The following AKAP6 variants were observed in gnomAD, a reference collection of about 807,000 sequenced individuals.
AKAP6 encodes A-kinase anchoring protein 6.
Under a neutral mutation model 188.5 loss-of-function variants are expected in AKAP6, and 58 were observed. That is an observed-to-expected ratio of 0.31 (90% CI 0.25 to 0.38). The LOEUF is 0.38. Among genes scored for constraint, AKAP6 ranks in the 10% least tolerant of loss-of-function variants. The probability of loss-of-function intolerance (pLI) is 1.00; values close to 1 mark genes in which losing one functional copy is unlikely to be tolerated. For missense variants in AKAP6, 2,710 were observed against 2,740.0 expected (o/e 0.99, Z 0.24); for synonymous variants, 989 against 998.6 (o/e 0.99, Z 0.18).
intron 1 of AKAP6, among the ~76,000 whole-genome samples, chr14:32,365,871 T>C (rs549482904): frequency 1.3e-5 from 2 of 152,302 alleles, no homozygotes; most frequent in Admixed American, 1.3e-4. Context: ...CATTTTTACC[T>C]ACTATTTCCT....
At chr14:32,491,945 C>A (rs527763268) in intron 2 of AKAP6, among the ~76,000 whole-genome samples, 9 of 152,124 alleles carry the variant, frequency 5.9e-5, no homozygotes, top group African/African-American at 2.2e-4. Flanking sequence ...TGTAGAAGTC[C>A]CTCAAGATTA....
chr14:32,738,659 T>C (rs1340468227), intron 11 of AKAP6, among the ~76,000 whole-genome samples: 2 of 152,126 alleles, frequency 1.3e-5, no homozygotes, highest in African/African-American at 2.4e-5. Context: ...TGAATCCCCA[T>C]AGCAACCAGC....
chr14:32,725,475 C>G (rs1050926638), intron 9 of AKAP6, among the ~76,000 whole-genome samples: 1 of 152,118 alleles, frequency 6.6e-6, no homozygotes, highest in Admixed American at 6.6e-5. Flanking sequence ...TTTTCACTAT[C>G]CTCCTTCATG....
At chr14:32,449,011 A>C (rs1266590624) in intron 2 of AKAP6, among the ~76,000 whole-genome samples, 1 of 152,196 alleles carries the variant, frequency 6.6e-6, no homozygotes, top group Non-Finnish European at 1.5e-5. Flanking sequence ...ATACATGAGC[A>C]TCAGCAACTT....
chr14:32,620,810 GT>G (rs146437719), intron 7 of AKAP6, among the ~76,000 whole-genome samples: 10 of 148,046 alleles, frequency 6.8e-5, no homozygotes, highest in African/African-American at 1.5e-4. Context: ...TTCACTGGCA[GT>G]TTTTTTTTTA....
Position 32,546,698 on chromosome 14 carries a change from C to T in AKAP6, c.2045C>T (p.Pro682Leu). Residue 682 changes from proline (P) to leucine (L), a missense_variant, in exon 4 of 14, where the codon CCA (proline) becomes CTA (leucine). Coordinates refer to ENST00000280979, the MANE Select transcript of AKAP6 (RefSeq NM_004274.5). ...SEMNSDSEIY[P>L]TYHVKKKHTR... ...ATGAATTCAGATTCTGAAATCTATC[C>T]AACCTATCATGTCAAAAAGAAGCAT... The T allele has an allele frequency of 6.2e-7, 1 of 1,614,060 alleles. No individual in the cohort carries two copies.
chr14:32,500,963 A>T (rs1226125845), intron 2 of AKAP6, among the ~76,000 whole-genome samples: 1 of 152,154 alleles, frequency 6.6e-6, no homozygotes, highest in East Asian at 1.9e-4. Flanking sequence ...GAAGTTTCCC[A>T]TTGCAAGTGC....
chr14:32,690,542 TA>T (rs2139679349), intron 8 of AKAP6, among the ~76,000 whole-genome samples: 2 of 152,250 alleles, frequency 1.3e-5, no homozygotes, highest in African/African-American at 4.8e-5. Flanking sequence ...TTTTTATTTA[TA>T]AAAGCCCTGG....
At chr14:32,768,487 A>C (rs1274375222) in intron 11 of AKAP6, among the ~76,000 whole-genome samples, 1 of 152,240 alleles carries the variant, frequency 6.6e-6, no homozygotes. Flanking sequence ...TCTGGAGATC[A>C]TCAAGAAAAT....
chr14:32,823,004 G>T lies in AKAP6; in HGVS notation c.5191G>T (p.Asp1731Tyr), dbSNP rs368273598. ...GACTCGTTCAGTGGCTGATGAAAGCGATGTCAATGTCAGCATGATTGTTAA... is the reference window on the plus strand; with the variant it reads ...GACTCGTTCAGTGGCTGATGAAAGCTATGTCAATGTCAGCATGATTGTTAA... ...RLTRSVADESDVNVSMIVNVS... is the reference protein window; with the variant it reads ...RLTRSVADESYVNVSMIVNVS... The change falls in exon 13 of 14, where the codon GAT becomes TAT. Residue 1731 changes from aspartate to tyrosine, a missense_variant. Transcript: ENST00000280979. The T allele has an allele frequency of 6.2e-7, 1 of 1,613,910 alleles. No individual in the cohort carries two copies. Among genetic ancestry groups the T allele is most frequent in the South Asian group, 1.1e-5 (1 of 91,086 alleles).
At chr14:32,331,456 T>C (rs185906533) in intron 1 of AKAP6, among the ~76,000 whole-genome samples, 2 of 152,142 alleles carry the variant, frequency 1.3e-5, no homozygotes, top group Admixed American at 1.3e-4. Context: ...CCCTGTAATT[T>C]TTCCCCCCGC....
intron 7 of AKAP6, among the ~76,000 whole-genome samples, chr14:32,677,717 AC>A (rs1276228990): frequency 3.9e-5 from 6 of 152,222 alleles, no homozygotes; most frequent in African/African-American, 1.4e-4. Context: ...CTCCTTTACT[AC>A]AGTGAGCCCT....
rs1956215 is a variant in AKAP6, at chr14:32,599,689, A to G, written c.2566+183A>G. Among the ~76,000 whole-genome samples the G allele has an allele frequency of 2.6e-4, 39 of 152,320 alleles. No individual in the cohort carries two copies. In the East Asian group the frequency reaches 3.7e-3, roughly 14 times the overall value. On this transcript the variant is annotated intron_variant, in intron 6 of 13. Transcript: ENST00000280979. ...CATACAATGCTGTGATACTTATAAG[A>G]TGAAATACTGCCTCCAAATGGTCTG...
In AKAP6 at chr14:32,660,127, G is replaced by A. The variant is rs973239882; in HGVS notation, c.2731-18184G>A. On this transcript the variant is annotated intron_variant, in intron 7 of 13. Transcript: ENST00000280979. Reference sequence around the variant, plus strand: ...AGACGTGAATGTGTCCATTAATGAAGAGTGATGCAGGTTTAGATTTGGTAG... The same window carrying A: ...AGACGTGAATGTGTCCATTAATGAAAAGTGATGCAGGTTTAGATTTGGTAG... 2.6e-5 allele frequency among the ~76,000 whole-genome samples: 4 copies of A among 152,240 alleles called. No homozygotes were observed. The South Asian group carries it at 8.3e-4, about 32-fold the overall frequency.
chr14:32,370,351 C>T (rs969774580), intron 1 of AKAP6, among the ~76,000 whole-genome samples: 4 of 152,198 alleles, frequency 2.6e-5, no homozygotes, highest in Non-Finnish European at 4.4e-5. Context: ...CTTACAAAGA[C>T]AGTGCTATCG....
chr14:32,600,319 C>T (rs1885873816), intron 6 of AKAP6, among the ~76,000 whole-genome samples: 1 of 152,104 alleles, frequency 6.6e-6, no homozygotes, highest in African/African-American at 2.4e-5. Flanking sequence ...GAATGTGAAA[C>T]TGTAATGTTA....
rs540261564 is a variant in AKAP6 at position 32,585,373 on chromosome 14, C to T, written c.2469+8131C>T. ...GGAAGTATAGTTGCATAGATAGCACCGTGTTATTCTGGACACACGTTAACC... is the reference window on the plus strand; with the variant it reads ...GGAAGTATAGTTGCATAGATAGCACTGTGTTATTCTGGACACACGTTAACC... On this transcript the variant is annotated intron_variant, in intron 5 of 13. Coordinates refer to ENST00000280979, the MANE Select transcript of AKAP6 (RefSeq NM_004274.5). Among the ~76,000 whole-genome samples the T allele has an allele frequency of 7.9e-5, 12 of 152,230 alleles. 1 individual carries two copies. Among genetic ancestry groups the T allele is most frequent in the East Asian group, 7.7e-4 (4 of 5,184 alleles).
chr14:32,558,041 G>C (rs931551217), intron 4 of AKAP6, among the ~76,000 whole-genome samples: 4 of 152,048 alleles, frequency 2.6e-5, no homozygotes, highest in African/African-American at 9.7e-5. Flanking sequence ...TATCCAAAAA[G>C]TCAAGGAATT....
intron 1 of AKAP6, among the ~76,000 whole-genome samples, chr14:32,420,216 T>G (rs1159323984): frequency 6.6e-6 from 1 of 152,192 alleles, no homozygotes; most frequent in Non-Finnish European, 1.5e-5. Flanking sequence ...TTTTGGTAAC[T>G]ACCTCTATCT....
Sources: allele counts gnomAD v4.1 joint callset (sites outside exome capture counted in the v4.1 genomes callset), GRCh38; gene constraint gnomAD v4.1.1; transcripts MANE v1.5; gene names NCBI Gene and HGNC (gene_info 2026-07-23, HGNC 2026-07-21).